Variants in PDE4C observed in about 807,000 individuals in gnomAD.
PDE4C encodes the protein 3',5'-cyclic-AMP phosphodiesterase 4C.
A neutral mutation model predicts 63.9 loss-of-function variants in PDE4C; 50 were observed. The ratio of observed to expected loss-of-function variants is 0.78; its 90% CI spans 0.62 to 0.99. The LOEUF is 0.99. PDE4C is among the 50% of genes least tolerant of loss of function. The pLI, the probability that PDE4C is intolerant of heterozygous loss-of-function variation, is 0.00. For synonymous variants in PDE4C, 377 were observed against 385.1 expected (o/e 0.98, Z 0.25); for missense variants, 777 against 899.1 (o/e 0.86, Z 1.74).
upstream of PDE4C, among the ~76,000 whole-genome samples, chr19:18,237,927 T>G (rs1968980419): frequency 6.6e-6 from 1 of 151,648 alleles, no homozygotes; most frequent in African/African-American, 2.4e-5. Flanking sequence ...GCAGAAATAT[T>G]TATTTATTAA....
chr19:18,243,765 T>G (rs916924027), intron 1 of PDE4C, among the ~76,000 whole-genome samples: 11 of 152,100 alleles, frequency 7.2e-5, no homozygotes, highest in African/African-American at 2.7e-4. Context: ...TGGAATGGGG[T>G]AAGGATGGGG....
In PDE4C at chr19:18,233,001, C is replaced by T; in HGVS notation, c.191G>A (p.Arg64Gln). The change falls in exon 1 of 15, where the codon CGG becomes CAG. Residue 64 changes from arginine to glutamine, a missense_variant. By Grantham distance (43) the Arg-to-Gln change is conservative (BLOSUM62 1). Transcript: ENST00000594465. ...GAGCCGCGACTTCCTGAGCTCCGGC[C>T]GCGGGCTCAGGTCCCTCTCGCGGCA... 1 of 1,514,518 alleles carries T rather than the reference C, an allele frequency of 6.6e-7. No individual in the cohort carries two copies. Among genetic ancestry groups the T allele is most frequent in the Non-Finnish European group, 8.9e-7 (1 of 1,127,142 alleles). The allele number at this position is 1,514,518 out of a possible 1,614,324, so 93.8% of individuals were successfully genotyped here.
At chr19:18,252,916 T>A (rs1969248291), upstream of PDE4C, among the ~76,000 whole-genome samples, 1 of 152,204 alleles carries the variant, frequency 6.6e-6, no homozygotes, top group Non-Finnish European at 1.5e-5. Flanking sequence ...CTTTTCATTT[T>A]TATTTTTAAT....
In PDE4C at chr19:18,220,477, C is replaced by G. The variant is rs773792449; in HGVS notation, c.538G>C (p.Glu180Gln). 1 of 1,614,068 alleles carries G rather than the reference C, an allele frequency of 6.2e-7. No individual in the cohort carries two copies. The highest frequency in any genetic ancestry group is 8.5e-7 in the Non-Finnish European group (1 of 1,180,042). ...AACTGATCCAGGCACCAGTCCAGCT[C>G]GTCTAGCGTCTCCAATGCCAGCTTC... The change falls in exon 6 of 15, where the codon GAG becomes CAG. Residue 180 changes from glutamate to glutamine, a missense_variant. Coordinates refer to ENST00000262805, the Ensembl canonical transcript of PDE4C. The surrounding 1 kb of genome is among the most constrained non-coding windows in gnomAD (Gnocchi z 5.1).
chr19:18,233,149 T>A, exon 1 of PDE4C: 1 of 1,558,908 alleles, frequency 6.4e-7, no homozygotes, highest in Non-Finnish European at 8.7e-7. Context: ...CGACTCAACC[T>A]GCTGCAAGCC....
At chr19:18,224,344 C>T (rs1172102074) in intron 1 of PDE4C, 2 of 985,332 alleles carry the variant, frequency 2.0e-6, no homozygotes, top group Non-Finnish European at 2.4e-6. Context: ...CGGCTGGTCC[C>T]GGCCAAGACT....
chr19:18,240,383 G>A (rs149268198), intron 1 of PDE4C, among the ~76,000 whole-genome samples: 24 of 139,758 alleles, frequency 1.7e-4, no homozygotes, highest in African/African-American at 6.5e-4. Context: ...AGCTATGATT[G>A]TGCCACTGCT....
intron 3 of PDE4C, 30 bp downstream of exon 3, chr19:18,221,231 G>A (rs1600080891): frequency 6.5e-7 from 1 of 1,537,498 alleles, no homozygotes; most frequent in Non-Finnish European, 8.8e-7. Flanking sequence ...TCCGGAGGGG[G>A]TCAGGGCAGG....
At chr19:18,231,124 G>A (rs1968838880), upstream of PDE4C, among the ~76,000 whole-genome samples, 1 of 152,240 alleles carries the variant, frequency 6.6e-6, no homozygotes, top group African/African-American at 2.4e-5. Flanking sequence ...CCACACAGCA[G>A]GTTGGCCTTG....
chr19:18,233,056 A>T, exon 1 of PDE4C: 1 of 1,569,072 alleles, frequency 6.4e-7, no homozygotes, highest in Non-Finnish European at 8.6e-7. Context: ...TCCGAATAGA[A>T]GCGCTGTTGG....
upstream of PDE4C, among the ~76,000 whole-genome samples, chr19:18,248,557 C>T (rs115043242): frequency 4.6e-5 from 7 of 151,228 alleles, no homozygotes; most frequent in East Asian, 3.9e-4. Context: ...AGAGAGAGGG[C>T]GCGAAGGAAG....
upstream of PDE4C, among the ~76,000 whole-genome samples, chr19:18,235,643 C>T (rs1326065710): frequency 6.6e-6 from 1 of 152,128 alleles, no homozygotes; most frequent in African/African-American, 2.4e-5. Flanking sequence ...TGCTCCACAA[C>T]AGCAACCACA....
At chr19:18,223,318 C>T (rs1968573257) in intron 1 of PDE4C, among the ~76,000 whole-genome samples, 1 of 151,648 alleles carries the variant, frequency 6.6e-6, no homozygotes, top group African/African-American at 2.4e-5. Flanking sequence ...TCAAGCAATT[C>T]TCCTGCCTCA....
intron 1 of PDE4C, among the ~76,000 whole-genome samples, chr19:18,222,941 C>A (rs1483008413): frequency 6.6e-6 from 1 of 152,014 alleles, no homozygotes; most frequent in East Asian, 1.9e-4. Context: ...CTCAAACAAT[C>A]CTCCCAGCTC....
Position 18,241,255 on chromosome 19 carries a change from G to GTTTTTTTTT in PDE4C, c.-210+6907_-210+6915dup, listed in dbSNP as rs200717537. 3.8e-5 allele frequency among the ~76,000 whole-genome samples: 3 copies of GTTTTTTTTT among 78,514 alleles called. 1 individual carries two copies. Among genetic ancestry groups the GTTTTTTTTT allele is most frequent in the African/African-American group, 5.0e-5 (1 of 20,170 alleles). The allele number at this position is 78,514 out of a possible 152,430, so 51.5% of individuals were successfully genotyped here. A position where few individuals can be genotyped will look rare whatever the true frequency, so the allele number is the denominator to read the frequency against. On this transcript the variant is annotated intron_variant, in intron 1 of 15. Coordinates refer to the PDE4C transcript ENST00000594617. The stretch of plus-strand genomic sequence containing the variant: ...TTCTTTCTTTCTTTTTTCTTCTCTT[G>GTTTTTTTTT]TTTTTTTTTTTTTTTTTTTTTTTTT...
intron 13 of PDE4C, among the ~76,000 whole-genome samples, chr19:18,212,475 T>C (rs1967997047): frequency 7.4e-6 from 1 of 135,590 alleles, no homozygotes; most frequent in African/African-American, 3.0e-5. Context: ...GAGCCCAGCT[T>C]TTTTTTTTTT....
chr19:18,209,611 C>T (rs1967841404), downstream of PDE4C: 1 of 151,706 alleles, frequency 6.6e-6, no homozygotes, highest in African/African-American at 2.4e-5. Flanking sequence ...TGATTTTGAA[C>T]TCCTGATCTC....
At chr19:18,240,045 C>A (rs1969011398) in intron 1 of PDE4C, among the ~76,000 whole-genome samples, 1 of 151,822 alleles carries the variant, frequency 6.6e-6, no homozygotes, top group Admixed American at 6.6e-5. Flanking sequence ...CTCACTGCAA[C>A]CTCTGCCTCC....
chr19:18,211,332 T>C, intron 14 of PDE4C, 56 bp from the exon 15 acceptor site: 2 of 1,417,192 alleles, frequency 1.4e-6, no homozygotes, highest in South Asian at 1.4e-5. Flanking sequence ...AACCCTAGAC[T>C]CAATCCAGCC....
Sources: allele counts gnomAD v4.1 joint callset (sites outside exome capture counted in the v4.1 genomes callset), GRCh38; gene constraint gnomAD v4.1.1; non-coding constraint Gnocchi (gnomAD v3.1); transcripts MANE v1.5; gene names NCBI Gene and HGNC (gene_info 2026-07-23, HGNC 2026-07-21).